The following WT1 variants were observed in gnomAD, a reference collection of about 807,000 sequenced individuals.
The protein encoded by WT1 is Wilms tumor protein.
Under a neutral mutation model 60.8 loss-of-function variants are expected in WT1, and 8 were observed. That is an observed-to-expected ratio of 0.13 (90% CI 0.08 to 0.24). The LOEUF is 0.24. Ranked by LOEUF, WT1 falls within the 10% of genes least tolerant of loss-of-function variation. The pLI is 1.00. For synonymous variants in WT1, 312 were observed against 297.1 expected, an observed-to-expected ratio of 1.05 and a Z score of -0.52; for missense variants, 568 against 711.8, an observed-to-expected ratio of 0.80 and a Z score of 2.30.
At chr11:32,398,298 GA>G (rs1852035019) in intron 6 of WT1, among the ~76,000 whole-genome samples, 1 of 152,132 alleles carries the variant, frequency 6.6e-6, no homozygotes, top group South Asian at 2.1e-4. Flanking sequence ...CCATTCTGGT[GA>G]AAGTATCACT....
intron 5 of WT1, among the ~76,000 whole-genome samples, chr11:32,412,732 A>G (rs1852541289): frequency 6.7e-6 from 1 of 150,138 alleles, no homozygotes; most frequent in African/African-American, 2.5e-5. Flanking sequence ...ATCTAATTTC[A>G]TTTGTTTGGG....
intron 5 of WT1, among the ~76,000 whole-genome samples, chr11:32,412,634 G>A (rs10835907): frequency 0.27 from 39,542 of 147,412 alleles, 6,119 homozygotes; most frequent in East Asian, 0.67. Context: ...GATAACACAA[G>A]GCACCATCAA....
At chr11:32,430,283 T>C (rs2133083465) in intron 1 of WT1, among the ~76,000 whole-genome samples, 1 of 152,162 alleles carries the variant, frequency 6.6e-6, no homozygotes, top group East Asian at 1.9e-4. Flanking sequence ...TCCACAGACT[T>C]CCTTTTGAAA....
chr11:32,428,113 G>C, intron 2 of WT1, 55 bp from the exon 3 acceptor site: 1 of 1,481,588 alleles, frequency 6.7e-7, no homozygotes, highest in Non-Finnish European at 9.2e-7. Flanking sequence ...CTCGGGGTGC[G>C]AGGCTGCGGG....
At chr11:32,419,939 C>T (rs1053678843) in intron 3 of WT1, among the ~76,000 whole-genome samples, 1 of 152,188 alleles carries the variant, frequency 6.6e-6, no homozygotes, top group African/African-American at 2.4e-5. Context: ...GGTGATCCAC[C>T]CGCCTCAGCC....
chr11:32,404,470 A>G (rs1852252209), intron 5 of WT1, among the ~76,000 whole-genome samples: 1 of 152,016 alleles, frequency 6.6e-6, no homozygotes, highest in African/African-American at 2.4e-5. Flanking sequence ...CCAAGTGGGG[A>G]AAAGAACGGT....
chr11:32,415,042 G>A (rs1197091859), intron 5 of WT1, among the ~76,000 whole-genome samples: 1 of 152,102 alleles, frequency 6.6e-6, no homozygotes, highest in Non-Finnish European at 1.5e-5. Context: ...TCCTCAGCAA[G>A]TGACTAACAG....
At position 32,396,366 on chromosome 11, in the gene WT1, C is replaced by A. The variant is rs776651253; in HGVS notation, c.1155G>T (p.Arg385=). ...GTTTCTCACTGGTCTCAGATGCCGA[C>A]CGTACAAGAGTCGGGGCTACTCCAG... The change falls in exon 7 of 10, where the codon CGG becomes CGT. Residue 385 remains arginine, a synonymous_variant. Coordinates refer to ENST00000452863, the MANE Select transcript of WT1 (RefSeq NM_024426.6). 1 of 1,614,146 alleles carries A rather than the reference C, an allele frequency of 6.2e-7. No individual in the cohort carries two copies. The highest frequency in any genetic ancestry group is 2.2e-5 in the East Asian group (1 of 44,866).
intron 9 of WT1, among the ~76,000 whole-genome samples, chr11:32,390,691 C>T (rs908393662): frequency 1.5e-4 from 23 of 152,164 alleles, no homozygotes; most frequent in Non-Finnish European, 2.9e-5. Flanking sequence ...TGGACTAATC[C>T]CAACCCTGTC....
intron 3 of WT1, among the ~76,000 whole-genome samples, chr11:32,417,925 A>G (rs1184610591): frequency 6.6e-6 from 1 of 152,200 alleles, no homozygotes; most frequent in Non-Finnish European, 1.5e-5. Flanking sequence ...CTAAAGAAGT[A>G]TTAAACCTTT....
At chr11:32,433,090 A>G (rs1285277243) in intron 1 of WT1, among the ~76,000 whole-genome samples, 1 of 152,222 alleles carries the variant, frequency 6.6e-6, no homozygotes, top group African/African-American at 2.4e-5. Flanking sequence ...CAGGTTGCCC[A>G]TCTCAGCTGT....
At chr11:32,392,125 A>G (rs1329164042) in intron 8 of WT1, 61 bp from the exon 9 acceptor site, 23 of 1,477,816 alleles carry the variant, frequency 1.6e-5, no homozygotes, top group Non-Finnish European at 2.1e-5. Context: ...GAGGCCCACA[A>G]GGCTGACTTC....
At chr11:32,401,563 T>C (rs1852157631) in intron 5 of WT1, among the ~76,000 whole-genome samples, 1 of 152,020 alleles carries the variant, frequency 6.6e-6, no homozygotes, top group Non-Finnish European at 1.5e-5. Flanking sequence ...TATTTTGAGA[T>C]GGAGTCTCGC....
At position 32,388,655 on chromosome 11, in the gene WT1, C is replaced by T. The variant is rs938130766; in HGVS notation, c.*403G>A. 6 of 326,080 alleles carry T rather than the reference C, an allele frequency of 1.8e-5. No individual in the cohort carries two copies. The highest frequency in any genetic ancestry group is 1.2e-4 in the African/African-American group (6 of 49,024). 20.2% of individuals were successfully genotyped at this position (326,080 alleles called of 1,614,324 possible). A position where few individuals can be genotyped will look rare whatever the true frequency, so the allele number is the denominator to read the frequency against. On this transcript the variant is annotated 3_prime_UTR_variant, in exon 10 of 10. Coordinates refer to ENST00000452863, the MANE Select transcript of WT1 (RefSeq NM_024426.6). The stretch of plus-strand genomic sequence containing the variant: ...AAGTTTACATTAGCAGACACATACA[C>T]ATGCCCTGGCCTATAAATATTCCAT...
At chr11:32,429,542 T>C (rs887769416) in intron 1 of WT1, among the ~76,000 whole-genome samples, 2 of 149,350 alleles carry the variant, frequency 1.3e-5, no homozygotes, top group Non-Finnish European at 3.0e-5. Flanking sequence ...TGTTATTAAA[T>C]TGCTTTAAAC....
chr11:32,417,414 C>T (rs900737309), intron 4 of WT1, 163 bp downstream of exon 4: 2 of 671,400 alleles, frequency 3.0e-6, no homozygotes, highest in East Asian at 2.7e-5. Flanking sequence ...TAATACTGAA[C>T]ACAACTCACC....
At chr11:32,420,806 C>T (rs1472393939) in intron 3 of WT1, among the ~76,000 whole-genome samples, 1 of 152,216 alleles carries the variant, frequency 6.6e-6, no homozygotes, top group South Asian at 2.1e-4. Context: ...CATGTGTCCT[C>T]TTCAGCTCAC....
At chr11:32,403,572 C>CTTT (rs398055138) in intron 5 of WT1, among the ~76,000 whole-genome samples, 31 of 128,740 alleles carry the variant, frequency 2.4e-4, no homozygotes, top group South Asian at 1.0e-3. Context: ...ATGAATATTA[C>CTTT]TTTTTTTTTT....
At chr11:32,400,229 T>C (rs1852112962) in intron 5 of WT1, 185 bp from the exon 6 acceptor site, 1 of 697,442 alleles carries the variant, frequency 1.4e-6, no homozygotes, top group South Asian at 1.6e-5. Context: ...CCCTGGATCC[T>C]GGCCGCCACC....
Sources: allele counts gnomAD v4.1 joint callset (sites outside exome capture counted in the v4.1 genomes callset), GRCh38; gene constraint gnomAD v4.1.1; transcripts MANE v1.5; gene names NCBI Gene and HGNC (gene_info 2026-07-23, HGNC 2026-07-21).